The following PSG1 variants were observed in gnomAD, a reference collection of about 807,000 sequenced individuals.
PSG1 encodes pregnancy-specific beta-1-glycoprotein 1.
A neutral mutation model predicts 41.4 loss-of-function variants in PSG1; 60 were observed. That is an observed-to-expected ratio of 1.45 (90% confidence interval 1.18 to 1.80). The LOEUF (loss-of-function observed/expected upper bound fraction) is 1.80. Ranked by LOEUF, PSG1 falls within the 40% of genes most tolerant of loss-of-function variation. The pLI is 0.00. For synonymous variants in PSG1, 256 were observed against 192.9 expected (o/e 1.33, Z -2.71); for missense variants, 806 against 516.9 (o/e 1.56, Z -5.42).
Position 42,878,127 on chromosome 19 carries a change from C to T in PSG1, c.216G>A (p.Met72Ile), listed in dbSNP as rs200075918. 4 of 1,612,174 alleles carry T rather than the reference C, an allele frequency of 2.5e-6. No homozygotes were observed. In the South Asian group the frequency reaches 3.3e-5, roughly 13 times the overall value. ...LTGYIWYKGQMRDLYHYITSY... is the reference protein window; with the variant it reads ...LTGYIWYKGQIRDLYHYITSY... The stretch of plus-strand genomic sequence containing the variant: ...ATGTAATGTAATGGTAGAGGTCCCT[C>T]ATTTGCCCTTTGTACCAGATGTAGC... The change falls in exon 2 of 6, where the codon ATG becomes ATA. Residue 72 changes from methionine to isoleucine, a missense_variant. Physicochemically the swap from Met to Ile is conservative, Grantham distance 10 (BLOSUM62 1). Transcript: ENST00000436291.
rs1262928485 is a variant in PSG1 at position 42,868,933 on chromosome 19, A to C, written c.811T>G (p.Tyr271Asp). Residue 271 changes from tyrosine (Y) to aspartate (D), a missense_variant, in exon 4 of 6, where the codon TAC (tyrosine) becomes GAC (aspartate). By Grantham distance (160) the Tyr-to-Asp change is radical (BLOSUM62 -3). Transcript: ENST00000436291. Reference sequence around the variant, plus strand: ...CTCTGACCATTTAGCCACCAAATGTAGGTGTAGTTCTCACTCTTAGGTTCA... The same window carrying C: ...CTCTGACCATTTAGCCACCAAATGTCGGTGTAGTTCTCACTCTTAGGTTCA... Reference protein sequence around the residue: ...TCEPKSENYTYIWWLNGQSLP... With the variant: ...TCEPKSENYTDIWWLNGQSLP... The C allele has an allele frequency of 6.2e-7, 1 of 1,610,610 alleles. No homozygotes were observed. The highest frequency in any genetic ancestry group is 2.2e-5 in the East Asian group (1 of 44,802).
Position 42,877,902 on chromosome 19 carries a change from G to T in PSG1, c.430+11C>A, listed in dbSNP as rs1267934136. ...TCCCCCAACACCCAGGGATCATGTG[G>T]AATCACTTACGGTGTAAGGTGAAGG... On this transcript the variant is annotated intron_variant, in intron 2 of 5. Coordinates refer to ENST00000436291, the MANE Select transcript of PSG1 (RefSeq NM_001184825.2). The T allele has an allele frequency of 1.2e-6, 2 of 1,611,976 alleles. No individual in the cohort carries two copies. Among genetic ancestry groups the T allele is most frequent in the Non-Finnish European group, 1.7e-6 (2 of 1,178,894 alleles).
In PSG1 at chr19:42,873,166, C is replaced by T. The variant is rs749465796; in HGVS notation, c.431-1121G>A. ...GAGGTTCTAGAGATCTCCTGTACAG[C>T]CTCATGCCTATACTTCATACAGATA... On this transcript the variant is annotated intron_variant, in intron 2 of 5. Coordinates refer to ENST00000436291, the MANE Select transcript of PSG1 (RefSeq NM_001184825.2). Among the ~76,000 whole-genome samples the T allele has an allele frequency of 1.8e-4, 27 of 151,650 alleles. 1 individual carries two copies. The highest frequency in any genetic ancestry group is 3.5e-4 in the Non-Finnish European group (24 of 67,912).
chr19:42,866,935 G>C lies in PSG1; in HGVS notation c.*199C>G, dbSNP rs1433334444. ...TGTGAAGTCATCCACTTGTTGTCCT[G>C]GTTTACAGTTTGAGCATCTGTTGTT... On this transcript the variant is annotated 3_prime_UTR_variant, in exon 6 of 6. Transcript: ENST00000436291. 1 of 724,488 alleles carries C rather than the reference G, an allele frequency of 1.4e-6. No homozygotes were observed. The highest frequency in any genetic ancestry group is 2.5e-6 in the Non-Finnish European group (1 of 396,408). The allele number at this position is 724,488 out of a possible 1,614,324, so 44.9% of individuals were successfully genotyped here.
chr19:42,874,025 A>G (rs1335100157), intron 2 of PSG1: 1 of 151,666 alleles, frequency 6.6e-6, no homozygotes, highest in East Asian at 1.9e-4. Flanking sequence ...GGAAACAGTT[A>G]TAGGTGGCAC....
At position 42,868,177 on chromosome 19, in the gene PSG1, G is replaced by T. The variant is rs142917150; in HGVS notation, c.1167C>A (p.Ser389Arg). 5.6e-5 allele frequency: 91 copies of T among 1,612,216 alleles called. No homozygotes were observed. The highest frequency in any genetic ancestry group is 1.5e-4 in the Admixed American group (9 of 59,854). Residue 389 changes from serine (S) to arginine (R), a missense_variant, in exon 5 of 6, where the codon AGC becomes AGA. Transcript: ENST00000436291. ...TACGAACAGAGCAAACATAGAGCCC[G>T]CTATGCTTTGTAGTAATATGGCGGA... Reference protein sequence around the residue: ...LFIRHITTKHSGLYVCSVRNS... With the variant: ...LFIRHITTKHRGLYVCSVRNS...
intron 3 of PSG1, among the ~76,000 whole-genome samples, chr19:42,871,134 A>T (rs1248914506): frequency 6.6e-6 from 1 of 151,606 alleles, no homozygotes; most frequent in Non-Finnish European, 1.5e-5. Flanking sequence ...CTTGATTATG[A>T]GATTTGTTCC....
intron 1 of PSG1, 116 bp downstream of exon 1, chr19:42,879,402 T>A (rs901839152): frequency 6.8e-7 from 1 of 1,476,706 alleles, no homozygotes; most frequent in Non-Finnish European, 9.3e-7. Flanking sequence ...TCCACCCACC[T>A]CAGACTCCCA....
chr19:42,874,522 A>G (rs1370046319), intron 2 of PSG1, among the ~76,000 whole-genome samples: 4 of 151,368 alleles, frequency 2.6e-5, no homozygotes, highest in African/African-American at 9.7e-5. Context: ...AATTTTTTGC[A>G]TTTTTAGTAG....
At position 42,873,076 on chromosome 19, in the gene PSG1, G is replaced by T. The variant is rs554304639; in HGVS notation, c.431-1031C>A. Among the ~76,000 whole-genome samples, 12 of 151,712 alleles carry T rather than the reference G, an allele frequency of 7.9e-5. 1 individual carries two copies. In the South Asian group the frequency reaches 2.3e-3, roughly 29 times the overall value. ...TCAGAGAGTAGAATAGTAGTTTGCA[G>T]GAGCTGGGATCAGGGGAATAGGGTG... is the stretch of plus-strand genomic sequence containing the variant. On this transcript the variant is annotated intron_variant, in intron 2 of 5. Coordinates refer to ENST00000436291, the MANE Select transcript of PSG1 (RefSeq NM_001184825.2).
At position 42,869,010 on chromosome 19, in the gene PSG1, G is replaced by A; in HGVS notation, c.734C>T (p.Thr245Ile). 6.2e-7 allele frequency: 1 copy of A among 1,610,708 alleles called. No homozygotes were observed. The highest frequency in any genetic ancestry group is 8.5e-7 in the Non-Finnish European group (1 of 1,179,040). The change falls in exon 4 of 6, where the codon ACC (threonine) becomes ATC (isoleucine). Residue 245 changes from threonine (T) to isoleucine (I), a missense_variant. Thr to Ile is a moderately conservative substitution (Grantham distance 89, BLOSUM62 -1). Transcript: ENST00000436291. The stretch of plus-strand genomic sequence containing the variant: ...CTCCCTGGGGTTTAAGTTGTTGATG[G>A]TGATGTAGGGCTTGGGCAGCTTCGC... ...LLPKLPKPYITINNLNPRENK... is the reference protein window; with the variant it reads ...LLPKLPKPYIIINNLNPRENK...
intron 2 of PSG1, among the ~76,000 whole-genome samples, chr19:42,875,787 A>T (rs1426656723): frequency 6.7e-6 from 1 of 149,332 alleles, no homozygotes; most frequent in African/African-American, 2.5e-5. Flanking sequence ...TTTACTGCAA[A>T]CCGCCATTTC....
In PSG1 at chr19:42,878,434, C is replaced by T. The variant is rs565856065; in HGVS notation, c.65-156G>A. ...ACACACACACACACACACACAAAAG[C>T]GGCATGTGTGATTGTGTGTGTGTAT... is the stretch of plus-strand genomic sequence containing the variant. On this transcript the variant is annotated intron_variant, in intron 1 of 5. Transcript: ENST00000436291. 3.3e-4 allele frequency: 414 copies of T among 1,268,670 alleles called. 12 individuals are homozygous for T. In the African/African-American group the frequency reaches 5.5e-3, roughly 17 times the overall value. The allele number at this position is 1,268,670 out of a possible 1,614,324, so 78.6% of individuals were successfully genotyped here.
intron 1 of PSG1, 152 bp downstream of exon 1, chr19:42,879,366 C>G: frequency 2.6e-5 from 34 of 1,285,126 alleles, no homozygotes; most frequent in Non-Finnish European, 3.2e-5. Flanking sequence ...GTTGGCCAGA[C>G]TGATCTTGAA....
intron 2 of PSG1, among the ~76,000 whole-genome samples, 158 bp downstream of exon 2, chr19:42,877,753 TTG>T (rs1168579963): frequency 2.6e-5 from 4 of 151,658 alleles, no homozygotes; most frequent in Admixed American, 6.6e-5. Context: ...CTGTTGAAAT[TTG>T]TCTCCTCTGT....
Position 42,871,810 on chromosome 19 carries a change from T to G in PSG1, c.666A>C (p.Pro222=). 1 of 1,612,626 alleles carries G rather than the reference T, an allele frequency of 6.2e-7. No individual in the cohort carries two copies. Among genetic ancestry groups the G allele is most frequent in the Non-Finnish European group, 8.5e-7 (1 of 1,179,268 alleles). ...AGPYECEIRN[P]VSASRSDPVT... ...CTGGGTCACTGCGGCTGGCACTCACTGGGTTCCGTATTTCACATTCATAGG... is the reference window on the plus strand; with the variant it reads ...CTGGGTCACTGCGGCTGGCACTCACGGGGTTCCGTATTTCACATTCATAGG... Residue 222 remains proline, a synonymous_variant, in exon 3 of 6, where the codon CCA becomes CCC. Coordinates refer to ENST00000436291, the MANE Select transcript of PSG1 (RefSeq NM_001184825.2).
Position 42,878,243 on chromosome 19 carries a change from C to T in PSG1, c.100G>A (p.Ala34Thr), listed in dbSNP as rs986569851. 12 of 1,609,710 alleles carry T rather than the reference C, an allele frequency of 7.5e-6. No individual in the cohort carries two copies. In the Admixed American group the frequency reaches 1.3e-4, roughly 18 times the overall value. The change falls in exon 2 of 6, where the codon GCC becomes ACC. Residue 34 changes from alanine (A) to threonine (T), a missense_variant. Ala to Thr is a moderately conservative substitution (Grantham distance 58). Transcript: ENST00000436291. ...GGCTCGGCTTCAATCGTGACTTGGG[C>T]AGTGGTGGGCAGGTTCCAGAAGTTT... Reference protein sequence around the residue: ...LLNFWNLPTTAQVTIEAEPTK... With the variant: ...LLNFWNLPTTTQVTIEAEPTK...
chr19:42,870,052 A>T (rs1971314552), intron 3 of PSG1: 1 of 151,672 alleles, frequency 6.6e-6, no homozygotes, highest in Non-Finnish European at 1.5e-5. Flanking sequence ...AGTGAATATG[A>T]GAAGAGACTG....
At position 42,868,709 on chromosome 19, in the gene PSG1, G is replaced by T. The variant is rs144659290; in HGVS notation, c.988+47C>A. On this transcript the variant is annotated intron_variant, in intron 4 of 5. Transcript: ENST00000436291. ...TGAGAGGCCTGGCATCTGGTGGTTT[G>T]GATTTAAGCTGGTGTCCTGGCCCAC... The T allele has an allele frequency of 2.4e-3, 3,923 of 1,604,612 alleles. 142 individuals carry two copies. The African/African-American group carries it at 0.045, about 18-fold the overall frequency.
Sources: gnomAD v4.1 joint callset for allele counts (sites outside exome capture counted in the v4.1 genomes callset) on GRCh38, gnomAD v4.1.1 for gene constraint, MANE v1.5 for transcripts, NCBI Gene and HGNC (gene_info 2026-07-23, HGNC 2026-07-21) for gene names.